The following SLX4IP variants were observed in gnomAD, a reference collection of about 807,000 sequenced individuals.
SLX4IP encodes protein SLX4IP.
In SLX4IP, 34 loss-of-function variants were observed where a neutral mutation model predicts 32.9. The observed-to-expected ratio is 1.03, with a 90% CI of 0.79 to 1.38. SLX4IP has a LOEUF of 1.38. Among genes scored for constraint, SLX4IP ranks in the 40% most tolerant of loss-of-function variants. SLX4IP has a pLI of 0.00. For synonymous variants in SLX4IP, 172 were observed against 171.7 expected (o/e 1.00, Z -0.01); for missense variants, 444 against 479.0 (o/e 0.93, Z 0.68).
chr20:10,622,807 A>G lies in SLX4IP; in HGVS notation c.655A>G (p.Met219Val), dbSNP rs1435433568. The stretch of plus-strand genomic sequence containing the variant: ...TTCCTCCAGTCCCCCATCAGAATCC[A>G]TGGGACAAGCAAAGGATTCCATAAA... The part of the protein sequence containing the change: ...QASSSPPSES[M>V]GQAKDSIKAA... The change falls in exon 8 of 8, where the codon ATG becomes GTG. Residue 219 changes from methionine to valine, a missense_variant. Coordinates refer to ENST00000334534, the MANE Select transcript of SLX4IP (RefSeq NM_001009608.3). The G allele has an allele frequency of 6.2e-7, 1 of 1,614,162 alleles. No individual in the cohort carries two copies. The highest frequency in any genetic ancestry group is 2.2e-5 in the East Asian group (1 of 44,866).
intron 2 of SLX4IP, among the ~76,000 whole-genome samples, chr20:10,475,949 A>G (rs1007479956): frequency 1.1e-4 from 17 of 152,282 alleles, no homozygotes; most frequent in Middle Eastern, 6.8e-3. Flanking sequence ...AGAACATAGT[A>G]ATGAGCACTT....
At chr20:10,522,945 C>T (rs2065911852) in intron 2 of SLX4IP, among the ~76,000 whole-genome samples, 1 of 152,204 alleles carries the variant, frequency 6.6e-6, no homozygotes, top group South Asian at 2.1e-4. Flanking sequence ...GCACAACCCT[C>T]TTCCCTACTG....
chr20:10,607,411 A>C (rs1368965560), intron 6 of SLX4IP, among the ~76,000 whole-genome samples: 3 of 152,234 alleles, frequency 2.0e-5, no homozygotes, highest in Admixed American at 2.0e-4. Context: ...TTAGTGGGAC[A>C]TACTGCCAAG....
chr20:10,591,504 G>C (rs2066709850), intron 4 of SLX4IP, among the ~76,000 whole-genome samples: 1 of 152,168 alleles, frequency 6.6e-6, no homozygotes, highest in Non-Finnish European at 1.5e-5. Context: ...CCATTGCAGA[G>C]GGGCCTGCTT....
At chr20:10,474,852 G>A (rs991475735) in intron 2 of SLX4IP, among the ~76,000 whole-genome samples, 9 of 152,136 alleles carry the variant, frequency 5.9e-5, no homozygotes, top group South Asian at 2.1e-4. Flanking sequence ...AGCTTACCTC[G>A]GCCTCCCTCT....
At chr20:10,583,204 A>G (rs565189846) in intron 4 of SLX4IP, among the ~76,000 whole-genome samples, 5 of 152,356 alleles carry the variant, frequency 3.3e-5, no homozygotes, top group Admixed American at 6.5e-5. Flanking sequence ...AATTTTATAT[A>G]TAAATGATTC....
intron 2 of SLX4IP, among the ~76,000 whole-genome samples, chr20:10,510,626 G>A (rs1226906812): frequency 6.9e-6 from 1 of 144,570 alleles, no homozygotes; most frequent in Admixed American, 7.0e-5. Flanking sequence ...TTTTTTTTGA[G>A]ATGCAGTCTC....
At chr20:10,567,984 A>G (rs1256296573) in intron 4 of SLX4IP, among the ~76,000 whole-genome samples, 1 of 152,210 alleles carries the variant, frequency 6.6e-6, no homozygotes, top group African/African-American at 2.4e-5. Context: ...CAGGTCTCTC[A>G]TAGTGGTCAG....
In SLX4IP at chr20:10,556,457, A is replaced by G. The variant is rs986375121; in HGVS notation, c.117+137A>G. On this transcript the variant is annotated intron_variant, in intron 3 of 7. Transcript: ENST00000334534. ...ATCCTTGAAAAACAATTGTATTCCCAATGACAGACACATATGCACCCACTT... is the reference window on the plus strand; with the variant it reads ...ATCCTTGAAAAACAATTGTATTCCCGATGACAGACACATATGCACCCACTT... 3.5e-6 allele frequency: 3 copies of G among 862,160 alleles called. No homozygotes were observed. In the African/African-American group the frequency reaches 5.2e-5, roughly 15 times the overall value. The allele number at this position is 862,160 out of a possible 1,614,324, so 53.4% of individuals were successfully genotyped here.
intron 1 of SLX4IP, among the ~76,000 whole-genome samples, chr20:10,444,038 T>C (rs1201716870): frequency 6.6e-6 from 1 of 152,194 alleles, no homozygotes; most frequent in Non-Finnish European, 1.5e-5. Context: ...TTTATAGCAT[T>C]GCAAGAACAG....
chr20:10,489,164 G>A (rs2065598900), intron 2 of SLX4IP, among the ~76,000 whole-genome samples: 1 of 152,184 alleles, frequency 6.6e-6, no homozygotes, highest in South Asian at 2.1e-4. Flanking sequence ...GTGAAGTGTA[G>A]TTCATGCCAA....
At chr20:10,461,240 C>T (rs2065335329) in intron 2 of SLX4IP, among the ~76,000 whole-genome samples, 1 of 152,214 alleles carries the variant, frequency 6.6e-6, no homozygotes. Context: ...CCTGGTCAAC[C>T]ATGAAACTTG....
At chr20:10,491,057 A>G (rs2065618529) in intron 2 of SLX4IP, among the ~76,000 whole-genome samples, 1 of 143,482 alleles carries the variant, frequency 7.0e-6, no homozygotes, top group African/African-American at 2.5e-5. Flanking sequence ...CGTTGCTGTC[A>G]GTAGGCTCCA....
intron 2 of SLX4IP, among the ~76,000 whole-genome samples, chr20:10,516,843 A>G (rs1568719014): frequency 6.6e-6 from 1 of 152,232 alleles, no homozygotes; most frequent in Admixed American, 6.5e-5. Context: ...GCTTTGTTCT[A>G]AAGTGGCCCA....
At chr20:10,524,139 A>G (rs549438312) in intron 2 of SLX4IP, among the ~76,000 whole-genome samples, 1 of 152,358 alleles carries the variant, frequency 6.6e-6, no homozygotes, top group Admixed American at 6.5e-5. Context: ...GGCCAGCCCC[A>G]GTGCTTTGTG....
chr20:10,537,422 T>TA (rs1279766406), intron 2 of SLX4IP, among the ~76,000 whole-genome samples: 18 of 152,226 alleles, frequency 1.2e-4, no homozygotes, highest in Admixed American at 6.5e-5. Flanking sequence ...AATGAATACT[T>TA]ACAAAGGAAA....
chr20:10,576,924 G>A (rs1163718748), intron 4 of SLX4IP, among the ~76,000 whole-genome samples: 1 of 151,978 alleles, frequency 6.6e-6, no homozygotes, highest in African/African-American at 2.4e-5. Context: ...TAGCTGTCTG[G>A]TTTCCTATTT....
At chr20:10,504,568 C>G (rs1189106080) in intron 2 of SLX4IP, among the ~76,000 whole-genome samples, 1 of 152,054 alleles carries the variant, frequency 6.6e-6, no homozygotes, top group Non-Finnish European at 1.5e-5. Context: ...TTTGGGAGGC[C>G]CATGAATTTC....
At chr20:10,497,314 T>C (rs2065676269) in intron 2 of SLX4IP, among the ~76,000 whole-genome samples, 1 of 152,212 alleles carries the variant, frequency 6.6e-6, no homozygotes, top group African/African-American at 2.4e-5. Context: ...TTCCATTTTC[T>C]GTAGATGAGA....
Sources: allele counts gnomAD v4.1 joint callset (sites outside exome capture counted in the v4.1 genomes callset), GRCh38; gene constraint gnomAD v4.1.1; transcripts MANE v1.5; gene names NCBI Gene and HGNC (gene_info 2026-07-23, HGNC 2026-07-21).